ERC2: variants seen among roughly 807,000 people sequenced by gnomAD.
ERC2 encodes ERC protein 2.
A neutral mutation model predicts 114.8 loss-of-function variants in ERC2; 42 were observed. The ratio of observed to expected loss-of-function variants is 0.37; its 90% CI spans 0.29 to 0.47. The LOEUF (loss-of-function observed/expected upper bound fraction) is 0.47, where lower values mean the gene tolerates loss of function less well. Ranked by LOEUF, ERC2 falls within the 20% of genes least tolerant of loss-of-function variation. The pLI is 0.99. For missense variants in ERC2, 939 were observed against 1,150.7 expected (o/e 0.82, Z 2.66); for synonymous variants, 454 against 425.5 (o/e 1.07, Z -0.82).
chr3:55,773,494 A>G (rs774586096), intron 14 of ERC2, among the ~76,000 whole-genome samples: 3 of 152,160 alleles, frequency 2.0e-5, no homozygotes, highest in Non-Finnish European at 4.4e-5. Flanking sequence ...ATCATACACA[A>G]TTTCCTATTT....
chr3:56,355,455 A>C (rs2058712662), intron 2 of ERC2, among the ~76,000 whole-genome samples: 2 of 152,056 alleles, frequency 1.3e-5, no homozygotes, highest in East Asian at 3.9e-4. Context: ...AGTAGCTGAG[A>C]CCACAGGCAT....
chr3:56,376,409 G>A (rs1232684311), intron 2 of ERC2, among the ~76,000 whole-genome samples: 1 of 151,916 alleles, frequency 6.6e-6, no homozygotes, highest in African/African-American at 2.4e-5. Context: ...CCTCTCAATG[G>A]GTGAGGCTGA....
intron 17 of ERC2, among the ~76,000 whole-genome samples, chr3:55,594,106 C>G (rs1310856349): frequency 6.6e-6 from 1 of 152,174 alleles, no homozygotes; most frequent in African/African-American, 2.4e-5. Context: ...TTTCCCCACC[C>G]TTGCTGTTGG....
At position 56,276,351 on chromosome 3, in the gene ERC2, G is replaced by A. The variant is rs933636809; in HGVS notation, c.1074+19668C>T. On this transcript the variant is annotated intron_variant, in intron 3 of 17. Transcript: ENST00000288221. Reference sequence around the variant, plus strand: ...TTTACCTTGTTAGCAAGGATCACATGAAACCATCTTTTATTATTCAGCATT... The same window carrying A: ...TTTACCTTGTTAGCAAGGATCACATAAAACCATCTTTTATTATTCAGCATT... 2.7e-5 allele frequency among the ~76,000 whole-genome samples: 4 copies of A among 149,894 alleles called. No individual in the cohort carries two copies. The Admixed American group carries it at 2.7e-4, about 10-fold the overall frequency.
At chr3:55,936,735 G>T (rs939310082) in intron 13 of ERC2, among the ~76,000 whole-genome samples, 6 of 152,226 alleles carry the variant, frequency 3.9e-5, no homozygotes, top group South Asian at 2.1e-4. Context: ...GGGTCCCAAA[G>T]AGAGCCAGGG....
chr3:56,027,211 A>T (rs1576613133), intron 7 of ERC2, among the ~76,000 whole-genome samples: 1 of 152,170 alleles, frequency 6.6e-6, no homozygotes, highest in East Asian at 1.9e-4. Context: ...TTAAGCATTT[A>T]CCTGCTGAAG....
chr3:55,992,346 A>T lies in ERC2; in HGVS notation c.2062-96T>A. On this transcript the variant is annotated intron_variant, in intron 10 of 17. Transcript: ENST00000288221. ...TGGTCCAGAAATTAACTTTGGAGAG[A>T]AAATCACCACCAAGATTTATGGGTA... 2.7e-6 allele frequency: 3 copies of T among 1,109,574 alleles called. No individual in the cohort carries two copies. The Admixed American group carries it at 7.3e-5, about 27-fold the overall frequency. 68.7% of individuals were successfully genotyped at this position (1,109,574 alleles called of 1,614,324 possible).
chr3:55,676,962 G>C (rs1167671283), intron 17 of ERC2, among the ~76,000 whole-genome samples: 2 of 152,122 alleles, frequency 1.3e-5, no homozygotes, highest in Non-Finnish European at 2.9e-5. Flanking sequence ...AACATGCATT[G>C]CTCTGCCAGG....
At chr3:56,179,775 G>A (rs919637198) in intron 3 of ERC2, among the ~76,000 whole-genome samples, 1 of 151,868 alleles carries the variant, frequency 6.6e-6, no homozygotes, top group Non-Finnish European at 1.5e-5. Context: ...TAAGAGTTTT[G>A]GTTTTGTATG....
intron 17 of ERC2, among the ~76,000 whole-genome samples, chr3:55,564,987 G>A (rs974669319): frequency 5.9e-5 from 9 of 152,196 alleles, no homozygotes; most frequent in African/African-American, 1.4e-4. Context: ...AACGAGTGTG[G>A]CTGTGTTCCA....
chr3:56,448,980 C>T (rs2062708306), intron 1 of ERC2, among the ~76,000 whole-genome samples: 1 of 148,366 alleles, frequency 6.7e-6, no homozygotes, highest in Admixed American at 6.9e-5. Context: ...GAGGCTGAGG[C>T]AGGAGAATGG....
intron 13 of ERC2, among the ~76,000 whole-genome samples, chr3:55,929,315 C>T (rs1294821259): frequency 3.9e-5 from 6 of 152,190 alleles, no homozygotes; most frequent in African/African-American, 1.4e-4. Context: ...AAGAGACTCC[C>T]TCACAATGGC....
chr3:56,104,018 T>C (rs993957957), intron 6 of ERC2, among the ~76,000 whole-genome samples: 1 of 152,190 alleles, frequency 6.6e-6, no homozygotes, highest in Non-Finnish European at 1.5e-5. Context: ...TGAATATTTG[T>C]CAGGTGAATG....
intron 2 of ERC2, among the ~76,000 whole-genome samples, chr3:56,341,484 T>C (rs1426354207): frequency 1.3e-5 from 2 of 152,116 alleles, no homozygotes; most frequent in Non-Finnish European, 1.5e-5. Context: ...CAGAACTACC[T>C]GTTGGGATGA....
At chr3:56,392,888 G>A (rs1174364441) in intron 2 of ERC2, among the ~76,000 whole-genome samples, 1 of 152,140 alleles carries the variant, frequency 6.6e-6, no homozygotes, top group East Asian at 1.9e-4. Context: ...GCCACAGGCA[G>A]GAAGTTCCAC....
chr3:55,682,582 C>T (rs536693940), intron 17 of ERC2, among the ~76,000 whole-genome samples: 1 of 152,184 alleles, frequency 6.6e-6, no homozygotes, highest in Non-Finnish European at 1.5e-5. Context: ...AACGTACCAG[C>T]TCTTGGTTAA....
chr3:55,810,387 C>T (rs1279449651), intron 14 of ERC2, among the ~76,000 whole-genome samples: 3 of 152,064 alleles, frequency 2.0e-5, no homozygotes, highest in Non-Finnish European at 4.4e-5. Context: ...CATACACATC[C>T]TAAAATGAAT....
At chr3:56,126,774 G>GGAAA (rs2079888380) in intron 6 of ERC2, among the ~76,000 whole-genome samples, 1 of 78,854 alleles carries the variant, frequency 1.3e-5, no homozygotes, top group Non-Finnish European at 2.4e-5. Context: ...AAGGAAGGAA[G>GGAAA]GAAAGAAAGA....
chr3:55,998,979 A>G (rs1366032447), intron 10 of ERC2, among the ~76,000 whole-genome samples: 6 of 152,144 alleles, frequency 3.9e-5, no homozygotes, highest in African/African-American at 1.4e-4. Context: ...GTGCCTCCAA[A>G]TCAGTCATTT....
Sources: allele counts gnomAD v4.1 joint callset (sites outside exome capture counted in the v4.1 genomes callset), GRCh38; gene constraint gnomAD v4.1.1; transcripts MANE v1.5; gene names NCBI Gene and HGNC (gene_info 2026-07-23, HGNC 2026-07-21).